Variants in RPS6KA3 observed in about 807,000 individuals in gnomAD.
RPS6KA3 encodes ribosomal protein S6 kinase A3, also known as ribosomal protein S6 kinase alpha-3.
RPS6KA3 carries 4 observed loss-of-function variants against 67.2 expected under a neutral mutation model. That is an observed-to-expected ratio of 0.06 (90% CI 0.03 to 0.14). The LOEUF is 0.14. Ranked by LOEUF, RPS6KA3 falls within the 10% of genes least tolerant of loss-of-function variation. The pLI is 1.00. For missense variants in RPS6KA3, 204 were observed against 559.0 expected, an observed-to-expected ratio of 0.36 and a Z score of 6.40; for synonymous variants, 182 against 183.7, an observed-to-expected ratio of 0.99 and a Z score of 0.07.
At chrX:20,243,519 T>C (rs1160554308) in intron 1 of RPS6KA3, among the ~76,000 whole-genome samples, 1 of 111,744 alleles carries the variant, frequency 8.9e-6, no homozygotes, top group East Asian at 2.8e-4. Context: ...GGAATCTGGA[T>C]CTGTCACCCA....
chrX:20,265,435 A>G (rs774231253), intron 1 of RPS6KA3: 112 of 112,093 alleles, frequency 1.0e-3, no homozygotes, highest in African/African-American at 3.5e-3. Flanking sequence ...CACACCACTC[A>G]TCAGAGCCTG....
At chrX:20,244,826 T>C (rs747689651) in intron 1 of RPS6KA3, among the ~76,000 whole-genome samples, 1 of 112,260 alleles carries the variant, frequency 8.9e-6, no homozygotes, top group Non-Finnish European at 1.9e-5. Flanking sequence ...ATTTGTTAAA[T>C]ACACTATTCT....
At chrX:20,182,075 A>G (rs1241127344) in intron 10 of RPS6KA3, among the ~76,000 whole-genome samples, 1 of 111,557 alleles carries the variant, frequency 9.0e-6, no homozygotes, top group East Asian at 2.8e-4. Context: ...AGAATAATAT[A>G]AAATGCCCCA....
intron 2 of RPS6KA3, chrX:20,218,731 A>G (rs1041249936): frequency 2.8e-5 from 20 of 711,561 alleles, no homozygotes; most frequent in African/African-American, 1.3e-4. Flanking sequence ...CGAAATAACT[A>G]ATTACTGTAA....
Position 20,157,237 on chromosome X carries a change from T to TA in RPS6KA3, c.1960-989dup, listed in dbSNP as rs747168677. Among the ~76,000 whole-genome samples the TA allele has an allele frequency of 4.5e-5, 5 of 112,318 alleles. No individual in the cohort carries two copies. The East Asian group carries it at 1.4e-3, about 31-fold the overall frequency. ...AATTTTTCATTCAAAATACATTTGT[T>TA]AAGTATCCAGTAAAGGCCAGGCATT... On this transcript the variant is annotated intron_variant, in intron 20 of 21. Transcript: ENST00000379565.
rs2067105112 is a variant in RPS6KA3 at position 20,151,685 on chromosome X, T to C, written c.*3713A>G. ...ATCAACCATAAGATAGAATTTTCTT[T>C]ATAAAATATAGTAAAGCAAACTGAA... On this transcript the variant is annotated 3_prime_UTR_variant, in exon 22 of 22. Coordinates refer to ENST00000379565, the MANE Select transcript of RPS6KA3 (RefSeq NM_004586.3). The C allele has an allele frequency of 1.8e-5, 2 of 112,254 alleles. No individual in the cohort carries two copies. Among genetic ancestry groups the C allele is most frequent in the Non-Finnish European group, 3.8e-5 (2 of 53,264 alleles). 9.3% of individuals were successfully genotyped at this position (112,254 alleles called of 1,213,427 possible). A position where few individuals can be genotyped will look rare whatever the true frequency, so the allele number is the denominator to read the frequency against.
intron 1 of RPS6KA3, among the ~76,000 whole-genome samples, chrX:20,254,050 T>A (rs1424793925): frequency 8.9e-6 from 1 of 111,901 alleles, no homozygotes; most frequent in Non-Finnish European, 1.9e-5. Context: ...TCCATTTTGA[T>A]AGCTATTACT....
intron 2 of RPS6KA3, among the ~76,000 whole-genome samples, chrX:20,230,966 C>CTT (rs1013913580): frequency 9.3e-6 from 1 of 107,004 alleles, no homozygotes; most frequent in Non-Finnish European, 1.9e-5. Context: ...AAAACTATAA[C>CTT]TTTTTTTTTT....
intron 15 of RPS6KA3, among the ~76,000 whole-genome samples, chrX:20,172,048 T>C (rs2067586771): frequency 8.9e-6 from 1 of 111,955 alleles, no homozygotes; most frequent in Non-Finnish European, 1.9e-5. Flanking sequence ...AATGTCACTA[T>C]CTCTCTAAAC....
rs1303383209 is a variant in RPS6KA3, at chrX:20,266,719, C to A, written c.-87G>T. ...CCGCTCCGTCGCCGCCCGAGCCCCA[C>A]GGCAGCGGCGGCGGCGGCGGCGGCG... On this transcript the variant is annotated 5_prime_UTR_variant, in exon 1 of 22. Transcript: ENST00000379565. 7.5e-5 allele frequency: 42 copies of A among 562,196 alleles called. No individual in the cohort carries two copies. The African/African-American group carries it at 1.5e-3, about 20-fold the overall frequency. 46.3% of individuals were successfully genotyped at this position (562,196 alleles called of 1,213,427 possible). A position where few individuals can be genotyped will look rare whatever the true frequency, so the allele number is the denominator to read the frequency against.
Position 20,194,258 on chromosome X carries a change from A to T in RPS6KA3, c.417T>A (p.Thr139=). Residue 139 remains threonine, a synonymous_variant, in exon 6 of 22, where the codon ACT becomes ACA. Transcript: ENST00000379565. ...CCAAAATAAGATACAACTTCCCTTCAGTTTGAAAAGCTGAATGAAGAAATG... is the reference window on the plus strand; with the variant it reads ...CCAAAATAAGATACAACTTCCCTTCTGTTTGAAAAGCTGAATGAAGAAATG... The part of the protein sequence containing the change: ...FIVKLHYAFQ[T]EGKLYLILDF... 8.4e-7 allele frequency: 1 copy of T among 1,183,948 alleles called. No individual in the cohort carries two copies. The highest frequency in any genetic ancestry group is 1.1e-6 in the Non-Finnish European group (1 of 870,994).
At chrX:20,260,150 C>T (rs1318721909) in intron 1 of RPS6KA3, among the ~76,000 whole-genome samples, 4 of 111,520 alleles carry the variant, frequency 3.6e-5, no homozygotes, top group African/African-American at 6.5e-5. Flanking sequence ...AAGGTGTGCA[C>T]ATTTTGTGTT....
intron 2 of RPS6KA3, among the ~76,000 whole-genome samples, chrX:20,214,814 T>A (rs1224113488): frequency 9.1e-6 from 1 of 109,853 alleles, no homozygotes; most frequent in Non-Finnish European, 1.9e-5. Flanking sequence ...TCTCCTATTT[T>A]CTGTTTCCAC....
intron 1 of RPS6KA3, among the ~76,000 whole-genome samples, chrX:20,263,100 TA>T (rs1340810440): frequency 8.9e-6 from 1 of 112,426 alleles, no homozygotes; most frequent in Non-Finnish European, 1.9e-5. Flanking sequence ...ACACATTGTA[TA>T]CAACACATTA....
rs187390336 is a variant in RPS6KA3 at position 20,186,075 on chromosome X, G to A, written c.845+221C>T. 0.016 allele frequency among the ~76,000 whole-genome samples: 1,741 copies of A among 111,391 alleles called. 37 individuals carry two copies. The highest frequency in any genetic ancestry group is 0.054 in the African/African-American group (1,646 of 30,661). On this transcript the variant is annotated intron_variant, in intron 10 of 21. Transcript: ENST00000379565. ...CCACCTCAGCCTCCTGAGTACTGCTGAGACTACAGGTGTGTACCACCATGC... is the reference window on the plus strand; with the variant it reads ...CCACCTCAGCCTCCTGAGTACTGCTAAGACTACAGGTGTGTACCACCATGC...
intron 10 of RPS6KA3, among the ~76,000 whole-genome samples, chrX:20,178,908 G>A (rs2067774154): frequency 9.1e-6 from 1 of 110,225 alleles, no homozygotes; most frequent in South Asian, 3.8e-4. Flanking sequence ...TCCTGAAACT[G>A]GACTAACATG....
In RPS6KA3 at chrX:20,176,653, G is replaced by A. The variant is rs146258248; in HGVS notation, c.935-155C>T. 8.3e-3 allele frequency among the ~76,000 whole-genome samples: 925 copies of A among 110,879 alleles called. 4 individuals are homozygous for A. Among genetic ancestry groups the A allele is most frequent in the Non-Finnish European group, 0.012 (643 of 53,035 alleles). On this transcript the variant is annotated intron_variant, in intron 11 of 21. Transcript: ENST00000379565. ...GTCACCCAGGCTGGAGCGCAGTGGTGTGATCTCAGTTCACTGCAGCCTCAA... is the reference window on the plus strand; with the variant it reads ...GTCACCCAGGCTGGAGCGCAGTGGTATGATCTCAGTTCACTGCAGCCTCAA...
chrX:20,198,881 C>CT (rs1386757256), intron 4 of RPS6KA3, among the ~76,000 whole-genome samples: 3 of 111,018 alleles, frequency 2.7e-5, no homozygotes, highest in Non-Finnish European at 5.7e-5. Context: ...AGGAGTCTAT[C>CT]TTTTTTTTGA....
intron 2 of RPS6KA3, among the ~76,000 whole-genome samples, chrX:20,230,411 C>T (rs1326201264): frequency 8.9e-6 from 1 of 111,906 alleles, no homozygotes; most frequent in Non-Finnish European, 1.9e-5. Flanking sequence ...AAAGGGAAGA[C>T]ATCTCAGTTG....
Sources: gnomAD v4.1 joint callset for allele counts (sites outside exome capture counted in the v4.1 genomes callset) on GRCh38, gnomAD v4.1.1 for gene constraint, MANE v1.5 for transcripts, NCBI Gene and HGNC (gene_info 2026-07-23, HGNC 2026-07-21) for gene names.